Variants in WDR27 observed in about 807,000 individuals in gnomAD.
The protein encoded by WDR27 is WD repeat domain 27, also known as WD repeat-containing protein 27.
WDR27 carries 100 observed loss-of-function variants against 114.4 expected under a neutral mutation model. The ratio of observed to expected loss-of-function variants is 0.87; its 90% CI spans 0.74 to 1.03. The LOEUF (loss-of-function observed/expected upper bound fraction) is 1.03, where lower values mean the gene tolerates loss of function less well. WDR27 is among the 50% of genes least tolerant of loss of function. The probability of loss-of-function intolerance (pLI) is 0.00; values close to 1 mark genes in which losing one functional copy is unlikely to be tolerated. For missense variants in WDR27, 1,129 were observed against 1,092.9 expected, an observed-to-expected ratio of 1.03 and a Z score of -0.47; for synonymous variants, 449 against 423.1, an observed-to-expected ratio of 1.06 and a Z score of -0.75.
chr6:169,489,507 G>A (rs927345129), intron 25 of WDR27, among the ~76,000 whole-genome samples: 2 of 152,112 alleles, frequency 1.3e-5, no homozygotes, highest in East Asian at 1.9e-4. Context: ...AGTCAAGGCC[G>A]TCGCCCGCTG....
the WDR27 span, among the ~76,000 whole-genome samples, chr6:169,449,751 G>A: frequency 2.0e-5 from 3 of 152,188 alleles, no homozygotes; most frequent in African/African-American, 7.2e-5. Flanking sequence ...GGTGGAAGGT[G>A]AGCATCCCGA....
At chr6:169,497,560 A>G (rs1790568210) in intron 25 of WDR27, among the ~76,000 whole-genome samples, 1 of 151,070 alleles carries the variant, frequency 6.6e-6, no homozygotes, top group Admixed American at 6.6e-5. Context: ...AAACTACAAA[A>G]AAAAAAAAAT....
At chr6:169,475,959 A>G (rs1787089770) in intron 25 of WDR27, among the ~76,000 whole-genome samples, 1 of 152,238 alleles carries the variant, frequency 6.6e-6, no homozygotes, top group Non-Finnish European at 1.5e-5. Flanking sequence ...GCATTTATAC[A>G]TTAATGGAGA....
chr6:169,667,084 A>G, intron 6 of WDR27, 52 bp downstream of exon 6: 7 of 1,458,154 alleles, frequency 4.8e-6, no homozygotes, highest in Non-Finnish European at 6.3e-6. Context: ...GCTCTAGAAA[A>G]AGTGGGTTAC....
chr6:169,521,557 C>T (rs1019892354), intron 25 of WDR27, among the ~76,000 whole-genome samples: 18 of 152,142 alleles, frequency 1.2e-4, no homozygotes, highest in Middle Eastern at 3.4e-3. Flanking sequence ...TAGTATGAAG[C>T]CCAAAAGACA....
intron 25 of WDR27, among the ~76,000 whole-genome samples, chr6:169,479,693 T>G (rs1172243521): frequency 6.6e-6 from 1 of 152,282 alleles, no homozygotes; most frequent in Non-Finnish European, 1.5e-5. Flanking sequence ...ATCAGCATTC[T>G]GTCAATCATG....
intron 2 of WDR27, among the ~76,000 whole-genome samples, chr6:169,674,414 T>C (rs967977135): frequency 2.0e-5 from 3 of 152,126 alleles, no homozygotes; most frequent in Non-Finnish European, 4.4e-5. Flanking sequence ...CTTCTGGAGA[T>C]GAAAACTAGA....
chr6:169,476,256 A>G lies in WDR27; in HGVS notation c.2646-18622T>C, dbSNP rs527564695. 3.3e-5 allele frequency among the ~76,000 whole-genome samples: 5 copies of G among 152,312 alleles called. No homozygotes were observed. In the East Asian group the frequency reaches 9.7e-4, roughly 29 times the overall value. On this transcript the variant is annotated intron_variant, in intron 25 of 25. Transcript: ENST00000448612. Reference sequence around the variant, plus strand: ...GCATAAAACCCCTCGTGGCTTGGATAGAATCCAGGGCTTGTGGCTCTTGAA... The same window carrying G: ...GCATAAAACCCCTCGTGGCTTGGATGGAATCCAGGGCTTGTGGCTCTTGAA...
At position 169,457,498 on chromosome 6, in the gene WDR27, T is replaced by G. The variant is rs1784414598; in HGVS notation, c.*94A>C. 8.2e-6 allele frequency: 9 copies of G among 1,094,932 alleles called. No individual in the cohort carries two copies. The highest frequency in any genetic ancestry group is 1.2e-5 in the Non-Finnish European group (9 of 775,490). The allele number at this position is 1,094,932 out of a possible 1,614,324, so 67.8% of individuals were successfully genotyped here. On this transcript the variant is annotated 3_prime_UTR_variant, in exon 26 of 26. Transcript: ENST00000448612. ...TCAAAATATGAAAAACAGTTGCTGC[T>G]TCTGGCCCCCTGATGGATGAACCAC...
chr6:169,628,725 G>A (rs560937426), intron 21 of WDR27, among the ~76,000 whole-genome samples: 2 of 152,120 alleles, frequency 1.3e-5, no homozygotes, highest in Non-Finnish European at 2.9e-5. Context: ...AGCCTTGTGC[G>A]AATGTTATTC....
chr6:169,597,294 A>C (rs1806998172), intron 23 of WDR27, among the ~76,000 whole-genome samples: 1 of 152,170 alleles, frequency 6.6e-6, no homozygotes, highest in Non-Finnish European at 1.5e-5. Context: ...CTTGTCTGCT[A>C]AGTCCAATAC....
At chr6:169,496,718 G>T (rs1423817801) in intron 25 of WDR27, among the ~76,000 whole-genome samples, 1 of 151,986 alleles carries the variant, frequency 6.6e-6, no homozygotes, top group African/African-American at 2.4e-5. Context: ...AAAATACTTG[G>T]CAACTAACTT....
At chr6:169,482,378 T>A (rs534612017) in intron 25 of WDR27, among the ~76,000 whole-genome samples, 2 of 152,358 alleles carry the variant, frequency 1.3e-5, no homozygotes, top group South Asian at 4.1e-4. Context: ...CACCACACTG[T>A]CTTCCACAAT....
chr6:169,638,595 G>C lies in WDR27; in HGVS notation c.1813C>G (p.Arg605Gly). Residue 605 changes from arginine (R) to glycine (G), a missense_variant, in exon 18 of 26, where the codon CGG becomes GGG. Transcript: ENST00000448612. Reference protein sequence around the residue: ...QDRRWLLSAARDGTLRMWSAR... With the variant: ...QDRRWLLSAAGDGTLRMWSAR... ...GACCACATTCGCAGGGTCCCGTCCC[G>C]GGCCGCAGAGAGCAGCCACCTCCGG... 2 of 1,609,032 alleles carry C rather than the reference G, an allele frequency of 1.2e-6. No individual in the cohort carries two copies. Among genetic ancestry groups the C allele is most frequent in the South Asian group, 2.2e-5 (2 of 89,960 alleles).
At chr6:169,588,042 C>T (rs1804990838) in intron 23 of WDR27, among the ~76,000 whole-genome samples, 1 of 152,158 alleles carries the variant, frequency 6.6e-6, no homozygotes, top group African/African-American at 2.4e-5. Flanking sequence ...GCATTAAACA[C>T]AATGAAAAAT....
downstream of WDR27, among the ~76,000 whole-genome samples, chr6:169,456,926 A>G (rs527716561): frequency 3.3e-5 from 5 of 151,818 alleles, no homozygotes; most frequent in Non-Finnish European, 5.9e-5. This position sits in a 1 kb window ranked among gnomAD's most constrained non-coding sequence, Gnocchi z 4.0. Context: ...CTCACCACGC[A>G]GAACCCACAG....
chr6:169,658,135 G>A (rs1824779395), intron 13 of WDR27, 141 bp downstream of exon 13: 1 of 691,312 alleles, frequency 1.4e-6, no homozygotes, highest in Admixed American at 2.1e-5. Flanking sequence ...ACGAGAGGCA[G>A]AGACATGAAG....
chr6:169,449,384 G>A, the WDR27 span, among the ~76,000 whole-genome samples: 2 of 152,200 alleles, frequency 1.3e-5, no homozygotes, highest in East Asian at 1.9e-4. Context: ...ATCTCACAAA[G>A]TTTGAATCTA....
At chr6:169,470,758 C>G (rs1473405681) in intron 25 of WDR27, among the ~76,000 whole-genome samples, 1 of 152,206 alleles carries the variant, frequency 6.6e-6, no homozygotes, top group African/African-American at 2.4e-5. Flanking sequence ...AAAGCCCTAT[C>G]TCCAAGTATA....
Sources: gnomAD v4.1 joint callset for allele counts (sites outside exome capture counted in the v4.1 genomes callset) on GRCh38, gnomAD v4.1.1 for gene constraint, Gnocchi (gnomAD v3.1) non-coding constraint, MANE v1.5 for transcripts, NCBI Gene and HGNC (gene_info 2026-07-23, HGNC 2026-07-21) for gene names.